HTN1: variants seen among roughly 807,000 people sequenced by gnomAD.
HTN1 encodes the protein histatin-1.
HTN1 carries 18 observed loss-of-function variants against 11.2 expected under a neutral mutation model. The ratio of observed to expected loss-of-function variants is 1.61; its 90% CI spans 1.12 to 2.39. The LOEUF is 2.39. HTN1 is among the 30% of genes most tolerant of loss of function. HTN1 has a pLI of 0.00. For missense variants in HTN1, 80 were observed against 67.2 expected (o/e 1.19, Z -0.67); for synonymous variants, 21 against 20.5 (o/e 1.02, Z -0.07).
At chr4:70,057,602 C>T (rs1431139762) in intron 5 of HTN1, 1 of 152,116 alleles carries the variant, frequency 6.6e-6, no homozygotes, top group African/African-American at 2.4e-5. Flanking sequence ...ACTATAGTTC[C>T]AGTTCTGACC....
chr4:70,056,559 C>G (rs1244011194), intron 5 of HTN1: 1 of 152,112 alleles, frequency 6.6e-6, no homozygotes, highest in Non-Finnish European at 1.5e-5. Flanking sequence ...AACTAAAGAG[C>G]TTCTGCACAA....
At chr4:70,055,633 G>A (rs1164590280) in intron 5 of HTN1, 31 bp downstream of exon 5, 8 of 1,017,136 alleles carry the variant, frequency 7.9e-6, no homozygotes, top group African/African-American at 1.6e-5. Context: ...TGTCTTTCTA[G>A]AAGTGTCAAC....
At chr4:70,054,857 C>T (rs2109729216) in intron 4 of HTN1, among the ~76,000 whole-genome samples, 1 of 152,098 alleles carries the variant, frequency 6.6e-6, no homozygotes, top group East Asian at 1.9e-4. Flanking sequence ...ATTAAACTGA[C>T]TGTGCTAAAT....
At chr4:70,050,762 TTTATTTTACTTTC>T (rs1342165896) in intron 1 of HTN1, among the ~76,000 whole-genome samples, 12 of 152,264 alleles carry the variant, frequency 7.9e-5, no homozygotes, top group Non-Finnish European at 2.9e-5. Context: ...TTTATTTTAT[TTTATTTTACTTTC>T]TTATTTTACT....
At chr4:70,055,815 G>T (rs1578184573) in intron 5 of HTN1, 2 of 371,014 alleles carry the variant, frequency 5.4e-6, no homozygotes, top group East Asian at 1.1e-4. Flanking sequence ...TGTTGTTTTG[G>T]TACTGGTACC....
At chr4:70,051,002 C>A (rs1006549187) in intron 1 of HTN1, among the ~76,000 whole-genome samples, 1 of 152,078 alleles carries the variant, frequency 6.6e-6, no homozygotes, top group Non-Finnish European at 1.5e-5. Context: ...GCAATCATCA[C>A]GCAAAGTAAA....
intron 1 of HTN1, chr4:70,052,812 GA>G (rs1725929930): frequency 3.6e-6 from 1 of 277,232 alleles, no homozygotes; most frequent in Non-Finnish European, 6.9e-6. Context: ...AAAAAAGAAA[GA>G]AAAAATTCGC....
intron 4 of HTN1, among the ~76,000 whole-genome samples, chr4:70,055,057 A>G (rs753944288): frequency 2.0e-5 from 3 of 152,062 alleles, no homozygotes; most frequent in Non-Finnish European, 4.4e-5. Context: ...TTGTGTTAAC[A>G]GCAGTGGGTA....
At chr4:70,056,457 C>T (rs1244021555) in intron 5 of HTN1, 1 of 152,092 alleles carries the variant, frequency 6.6e-6, no homozygotes, top group Non-Finnish European at 1.5e-5. Context: ...TTAGGTGATA[C>T]CATTCAGGAC....
intron 1 of HTN1, among the ~76,000 whole-genome samples, chr4:70,052,677 C>T (rs1360898940): frequency 6.6e-6 from 1 of 151,878 alleles, no homozygotes; most frequent in Non-Finnish European, 1.5e-5. Flanking sequence ...TGAGGCCATG[C>T]CTGGGGCTCA....
intron 1 of HTN1, among the ~76,000 whole-genome samples, chr4:70,051,381 AAAAG>A (rs1725888647): frequency 6.6e-6 from 1 of 152,136 alleles, no homozygotes; most frequent in Non-Finnish European, 1.5e-5. Flanking sequence ...GTTATGGCAG[AAAAG>A]AAAGAGTTTA....
intron 5 of HTN1, 143 bp downstream of exon 5, chr4:70,055,745 C>T: frequency 1.8e-6 from 1 of 545,962 alleles, no homozygotes; most frequent in Non-Finnish European, 3.3e-6. Context: ...ATAAATGCTT[C>T]TGAAGCTGTA....
At position 70,055,567 on chromosome 4, in the gene HTN1, T is replaced by A. The variant is rs1726018966; in HGVS notation, c.172T>A (p.Ter58ArgextTer3). The A allele has an allele frequency of 6.5e-7, 1 of 1,541,920 alleles. No individual in the cohort carries two copies. The highest frequency in any genetic ancestry group is 1.7e-5 in the Admixed American group (1 of 59,646). ...TGGATCAAATTATCTATATGACAAT[T>A]GATATCCTTAGTAATCATGGGGCAT... ...DYGSNYLYDN[*>R] is the part of the protein sequence containing the mutation. The change falls in exon 5 of 6, where the codon TGA becomes AGA. Residue 58 changes from the stop codon to arginine (R), a stop_lost. Coordinates refer to ENST00000246896, the MANE Select transcript of HTN1 (RefSeq NM_002159.4).
chr4:70,056,826 C>T (rs375114945), intron 5 of HTN1: 16 of 152,136 alleles, frequency 1.1e-4, no homozygotes, highest in African/African-American at 3.6e-4. Flanking sequence ...AAATAAAAAT[C>T]ACAATGAGAT....
rs375923593 is a variant in HTN1 at position 70,054,363 on chromosome 4, G to A, written c.72+21G>A. 2.2e-4 allele frequency: 339 copies of A among 1,544,100 alleles called. 2 individuals are homozygous for A. In the Middle Eastern group the frequency reaches 5.4e-3, roughly 25 times the overall value. On this transcript the variant is annotated intron_variant, in intron 3 of 5. Transcript: ENST00000246896. ...AAAAGGTAAGACATTTTCATTTACG[G>A]GAAAACTTGATAAATAAACATATAT... is the stretch of plus-strand genomic sequence containing the variant.
At chr4:70,054,866 A>C (rs1011968704) in intron 4 of HTN1, among the ~76,000 whole-genome samples, 2 of 152,010 alleles carry the variant, frequency 1.3e-5, no homozygotes, top group Non-Finnish European at 2.9e-5. Flanking sequence ...ACTGTGCTAA[A>C]TTAGACAGAA....
rs367871166 is a variant in HTN1 at position 70,055,573 on chromosome 4, C to T, written c.*4C>T. 6.3e-5 allele frequency: 95 copies of T among 1,519,318 alleles called. No individual in the cohort carries two copies. Among genetic ancestry groups the T allele is most frequent in the African/African-American group, 1.4e-5 (1 of 72,588 alleles). 94.1% of individuals were successfully genotyped at this position (1,519,318 alleles called of 1,614,324 possible). On this transcript the variant is annotated 3_prime_UTR_variant, in exon 5 of 6. Transcript: ENST00000246896. The stretch of plus-strand genomic sequence containing the variant: ...AAATTATCTATATGACAATTGATAT[C>T]CTTAGTAATCATGGGGCATGATTAT...
chr4:70,054,654 C>T (rs1446552702), intron 4 of HTN1, among the ~76,000 whole-genome samples: 1 of 151,984 alleles, frequency 6.6e-6, no homozygotes, highest in African/African-American at 2.4e-5. Flanking sequence ...AACTCAATTC[C>T]ACCTGAAATA....
In HTN1 at chr4:70,055,527, A is replaced by AT; in HGVS notation, c.136dup (p.Tyr46LeufsTer11). On this transcript the variant is annotated frameshift_variant, in exon 5 of 6. Coordinates refer to ENST00000246896, the MANE Select transcript of HTN1 (RefSeq NM_002159.4). LOFTEE classifies it high-confidence loss of function. ...AGCATCATTCACATCGAGAATTTCC[A>AT]TTTTATGGGGACTATGGATCAAATT... 2 of 1,599,562 alleles carry AT rather than the reference A, an allele frequency of 1.3e-6. No homozygotes were observed. The highest frequency in any genetic ancestry group is 1.7e-4 in the Middle Eastern group (1 of 6,020).
Sources: gnomAD v4.1 joint callset for allele counts (sites outside exome capture counted in the v4.1 genomes callset) on GRCh38, gnomAD v4.1.1 for gene constraint, MANE v1.5 for transcripts, NCBI Gene and HGNC (gene_info 2026-07-23, HGNC 2026-07-21) for gene names.